Variants in STKLD1 observed in about 807,000 individuals in gnomAD.
STKLD1 encodes serine/threonine kinase-like domain-containing protein STKLD1.
STKLD1 carries 79 observed loss-of-function variants against 80.4 expected under a neutral mutation model. The ratio of observed to expected loss-of-function variants is 0.98; its 90% confidence interval spans 0.82 to 1.19. The LOEUF (loss-of-function observed/expected upper bound fraction) is 1.19. Ranked by LOEUF, STKLD1 falls within the 50% of genes most tolerant of loss-of-function variation. STKLD1 has a pLI of 0.00. For synonymous variants in STKLD1, 393 were observed against 357.6 expected (o/e 1.10, Z -1.12); for missense variants, 841 against 856.0 (o/e 0.98, Z 0.22).
intron 2 of STKLD1, among the ~76,000 whole-genome samples, chr9:133,381,965 C>G (rs953725992): frequency 3.3e-5 from 5 of 152,204 alleles, no homozygotes; most frequent in Admixed American, 3.3e-4. Context: ...TATAAGAGTA[C>G]TTCATTCATA....
intron 2 of STKLD1, among the ~76,000 whole-genome samples, chr9:133,380,846 T>G (rs1838111424): frequency 6.6e-6 from 1 of 152,060 alleles, no homozygotes; most frequent in Admixed American, 6.6e-5. Context: ...ATTGCAAACA[T>G]AGTTTCATGT....
intron 12 of STKLD1, among the ~76,000 whole-genome samples, chr9:133,401,309 T>A (rs1554777617): frequency 6.6e-6 from 1 of 152,040 alleles, no homozygotes; most frequent in African/African-American, 2.4e-5. Flanking sequence ...TGGCTAATTT[T>A]TGTATTTTTA....
At position 133,390,248 on chromosome 9, in the gene STKLD1, CACA is replaced by C. The variant is rs1838359026; in HGVS notation, c.468-432_468-430del. On this transcript the variant is annotated intron_variant, in intron 6 of 17. Transcript: ENST00000371957. This position sits in a 1 kb window ranked among gnomAD's most constrained non-coding sequence, Gnocchi z 5.1. The stretch of plus-strand genomic sequence containing the variant: ...ACACACACACACACACACACACACA[CACA>C]CCACGCAGACCATACGTACAAAGGG... Among the ~76,000 whole-genome samples the C allele has an allele frequency of 8.9e-6, 1 of 111,950 alleles. No homozygotes were observed. Among genetic ancestry groups the C allele is most frequent in the Non-Finnish European group, 1.8e-5 (1 of 57,028 alleles). 73.4% of individuals were successfully genotyped at this position (111,950 alleles called of 152,430 possible). A position where few individuals can be genotyped will look rare whatever the true frequency, so the allele number is the denominator to read the frequency against.
intron 9 of STKLD1, among the ~76,000 whole-genome samples, chr9:133,396,413 G>A (rs782807490): frequency 5.9e-5 from 9 of 151,926 alleles, no homozygotes; most frequent in African/African-American, 2.2e-4. Flanking sequence ...ACTTCAGCCT[G>A]GGTGACAGAG....
chr9:133,391,205 G>A (rs1036666555), intron 7 of STKLD1, among the ~76,000 whole-genome samples: 4 of 148,878 alleles, frequency 2.7e-5, no homozygotes, highest in South Asian at 2.1e-4. Context: ...CAGCCCCCCC[G>A]CCCAGACAGC....
chr9:133,389,084 T>G lies in STKLD1; in HGVS notation c.397-442T>G. On this transcript the variant is annotated intron_variant, in intron 5 of 17. Transcript: ENST00000371957. The surrounding 1 kb of genome is among the most constrained non-coding windows in gnomAD (Gnocchi z 6.4). ...GGTACTCGATGGAGCTTGTCTCTGATGCAGAACACTCCTAGCATTCTCTCT... is the reference window on the plus strand; with the variant it reads ...GGTACTCGATGGAGCTTGTCTCTGAGGCAGAACACTCCTAGCATTCTCTCT... 2 of 985,392 alleles carry G rather than the reference T, an allele frequency of 2.0e-6. No homozygotes were observed. The highest frequency in any genetic ancestry group is 2.4e-6 in the Non-Finnish European group (2 of 829,898). The allele number at this position is 985,392 out of a possible 1,614,324, so 61.0% of individuals were successfully genotyped here. A position where few individuals can be genotyped will look rare whatever the true frequency, so the allele number is the denominator to read the frequency against.
At chr9:133,377,566 G>A (rs2130254820) in intron 1 of STKLD1, among the ~76,000 whole-genome samples, 3 of 152,330 alleles carry the variant, frequency 2.0e-5, no homozygotes, top group East Asian at 1.9e-4. Context: ...GGGAGGCTGA[G>A]GCTGGAGAAT....
chr9:133,392,113 G>A (rs1359223298), intron 7 of STKLD1, among the ~76,000 whole-genome samples: 1 of 137,828 alleles, frequency 7.3e-6, no homozygotes, highest in African/African-American at 2.7e-5. Context: ...GTCTCGCTCT[G>A]TCGCCCAGGC....
At chr9:133,397,871 G>C (rs1012821026) in intron 10 of STKLD1, 101 bp from the exon 11 acceptor site, 13 of 862,226 alleles carry the variant, frequency 1.5e-5, no homozygotes, top group Non-Finnish European at 2.2e-5. Context: ...ATCTGAGGAG[G>C]GGATGCACAC....
In STKLD1 at chr9:133,395,739, A is replaced by AC. The variant is rs782619284; in HGVS notation, c.846dup (p.Ser283LeufsTer98). ...CTTCTGCCCTTGATGCTCCAGATCG[A>AC]CCCCTCGGATCGAATAACGATAAAG... On this transcript the variant is annotated frameshift_variant, in exon 9 of 18. Transcript: ENST00000371957. LOFTEE classifies it high-confidence loss of function. 2 of 1,613,258 alleles carry AC rather than the reference A, an allele frequency of 1.2e-6. No individual in the cohort carries two copies. Among genetic ancestry groups the AC allele is most frequent in the South Asian group, 2.2e-5 (2 of 91,066 alleles).
At position 133,405,421 on chromosome 9, in the gene STKLD1, G is replaced by A. The variant is rs1554778554; in HGVS notation, c.2043G>A (p.Ter681=). The change falls in exon 18 of 18, where the codon TAG becomes TAA. Residue 681 remains the stop codon, a stop_retained_variant. Coordinates refer to ENST00000371957, the MANE Select transcript of STKLD1 (RefSeq NM_153710.5). Reference sequence around the variant, plus strand: ...GCACCACGTCTGGGGGACTGGAATAGATGTTTGTATGGAACTGACCTTGAT... The same window carrying A: ...GCACCACGTCTGGGGGACTGGAATAAATGTTTGTATGGAACTGACCTTGAT... ...LGCTTSGGLE[*] 1.2e-6 allele frequency: 2 copies of A among 1,603,500 alleles called. No individual in the cohort carries two copies. Among genetic ancestry groups the A allele is most frequent in the East Asian group, 2.2e-5 (1 of 44,810 alleles).
At chr9:133,387,686 G>A in intron 5 of STKLD1, 138 bp downstream of exon 5, 1 of 725,534 alleles carries the variant, frequency 1.4e-6, no homozygotes, top group Non-Finnish European at 2.5e-6. Flanking sequence ...GTGCCTCGAG[G>A]CATTGCACTC....
intron 2 of STKLD1, among the ~76,000 whole-genome samples, chr9:133,380,330 C>A (rs1048779349): frequency 1.3e-5 from 2 of 152,064 alleles, no homozygotes; most frequent in Admixed American, 1.3e-4. Context: ...CAGGCATGAG[C>A]CACCGCGTCC....
In STKLD1 at chr9:133,387,567, C is replaced by G. The variant is rs2130280034; in HGVS notation, c.396+19C>G. On this transcript the variant is annotated intron_variant, in intron 5 of 17. Transcript: ENST00000371957. ...CTCTGAGGTGAGGTCCTTTGGGGCA[C>G]CAGGCCTGGGGGCCACCTAGACCTG... The G allele has an allele frequency of 1.2e-6, 2 of 1,604,110 alleles. No individual in the cohort carries two copies. Among genetic ancestry groups the G allele is most frequent in the Non-Finnish European group, 8.5e-7 (1 of 1,171,126 alleles).
At position 133,389,553 on chromosome 9, in the gene STKLD1, C is replaced by T; in HGVS notation, c.424C>T (p.Leu142=). Residue 142 remains leucine (L), a synonymous_variant, in exon 6 of 18, where the codon CTG becomes TTG. Transcript: ENST00000371957. This position sits in a 1 kb window ranked among gnomAD's most constrained non-coding sequence, Gnocchi z 6.4. The part of the protein sequence containing the change: ...EWMQNVLGQV[L]DALEYLHHLD... Reference sequence around the variant, plus strand: ...GATGCAGAATGTGCTGGGCCAGGTGCTGGACGCGCTGGAATACCTGCACCA... The same window carrying T: ...GATGCAGAATGTGCTGGGCCAGGTGTTGGACGCGCTGGAATACCTGCACCA... 1.2e-6 allele frequency: 2 copies of T among 1,613,522 alleles called. No homozygotes were observed. Among genetic ancestry groups the T allele is most frequent in the South Asian group, 1.1e-5 (1 of 91,078 alleles).
At position 133,401,873 on chromosome 9, in the gene STKLD1, C is replaced by A; in HGVS notation, c.1334C>A (p.Thr445Asn). ...TACAGCCTGCTAGCCATCACCACAA[C>A]CCAGGGTGTGTCTGCCAGCCACCTC... ...MVYSLLAITTTQESESLSEEL... is the reference protein window; with the variant it reads ...MVYSLLAITTNQESESLSEEL... The change falls in exon 13 of 18, where the codon ACC (threonine) becomes AAC (asparagine). Residue 445 changes from threonine (T) to asparagine (N), a missense_variant. By Grantham distance (65) the Thr-to-Asn change is moderately conservative (BLOSUM62 0). Transcript: ENST00000371957. 1.9e-6 allele frequency: 3 copies of A among 1,613,274 alleles called. No individual in the cohort carries two copies.
At chr9:133,404,140 A>C in intron 16 of STKLD1, 92 bp downstream of exon 16, 1 of 1,420,654 alleles carries the variant, frequency 7.0e-7, no homozygotes, top group Non-Finnish European at 9.4e-7. Context: ...ACAAACCAAA[A>C]AACAGAAGCA....
intron 5 of STKLD1, chr9:133,388,606 C>T (rs896941289): frequency 5.8e-6 from 2 of 344,000 alleles, no homozygotes; most frequent in African/African-American, 4.5e-5. Context: ...ATGGAGTTCG[C>T]TTTCCCAATG....
rs2130290380 is a variant in STKLD1, at chr9:133,391,853, AAAG to A, written c.583+1060_583+1062del. Reference sequence around the variant, plus strand: ...AAGAATGATCAATTAAAAAAAAAAAAAAGAAAGAAAATGCCCAGGACGGAGGGT... The same window carrying A: ...AAGAATGATCAATTAAAAAAAAAAAAAAAGAAAATGCCCAGGACGGAGGGT... On this transcript the variant is annotated intron_variant, in intron 7 of 17. Transcript: ENST00000371957. Among the ~76,000 whole-genome samples the A allele has an allele frequency of 5.4e-3, 821 of 151,914 alleles. 4 individuals carry two copies. The highest frequency in any genetic ancestry group is 0.011 in the African/African-American group (442 of 41,430).
Sources: allele counts gnomAD v4.1 joint callset (sites outside exome capture counted in the v4.1 genomes callset), GRCh38; gene constraint gnomAD v4.1.1; non-coding constraint Gnocchi (gnomAD v3.1); transcripts MANE v1.5; gene names NCBI Gene and HGNC (gene_info 2026-07-23, HGNC 2026-07-21).